Variants in DIO2 observed in about 807,000 individuals in gnomAD.
DIO2 encodes the protein type II iodothyronine deiodinase.
A neutral mutation model predicts 21.4 loss-of-function variants in DIO2; 19 were observed. That is an observed-to-expected ratio of 0.89 (90% CI 0.62 to 1.30). DIO2 has a LOEUF of 1.30. Among genes scored for constraint, DIO2 ranks in the 50% most tolerant of loss-of-function variants. The probability of loss-of-function intolerance (pLI) is 0.00; values close to 1 mark genes in which losing one functional copy is unlikely to be tolerated. For missense variants in DIO2, 302 were observed against 338.1 expected (o/e 0.89, Z 0.84); for synonymous variants, 122 against 132.9 (o/e 0.92, Z 0.57).
In DIO2 at chr14:80,202,763, T is replaced by C; in HGVS notation, c.748A>G (p.Asn250Asp). The C allele has an allele frequency of 6.2e-7, 1 of 1,614,022 alleles. No homozygotes were observed. Among genetic ancestry groups the C allele is most frequent in the Non-Finnish European group, 8.5e-7 (1 of 1,179,886 alleles). The change falls in exon 2 of 2, where the codon AAC becomes GAC. Residue 250 changes from asparagine to aspartate, a missense_variant. Asn to Asp is a conservative substitution (Grantham distance 23). Transcript: ENST00000438257. ...AGCCAATGCCGGACTTCTTGAAGGT[T>C]GTAGGAGAAGGGGCCCTTTCCTCCC... is the stretch of plus-strand genomic sequence containing the variant. Reference protein sequence around the residue: ...YLGGKGPFSYNLQEVRHWLEK... With the variant: ...YLGGKGPFSYDLQEVRHWLEK...
At chr14:80,212,467 A>C (rs1888245611), upstream of DIO2, among the ~76,000 whole-genome samples, 1 of 152,086 alleles carries the variant, frequency 6.6e-6, no homozygotes, top group Admixed American at 6.5e-5. Context: ...ATTTAATATA[A>C]TGTGCAGATT....
rs1760657030 is a variant in DIO2, at chr14:80,199,152, C to A, written c.*3537G>T. Reference sequence around the variant, plus strand: ...TTTCCCGAAGGCATACATACTGTCTCTAACCTGCCCTCTAGAATTTTATGC... The same window carrying A: ...TTTCCCGAAGGCATACATACTGTCTATAACCTGCCCTCTAGAATTTTATGC... On this transcript the variant is annotated 3_prime_UTR_variant, in exon 2 of 2. Transcript: ENST00000438257. The A allele has an allele frequency of 1.3e-5, 2 of 152,256 alleles. No individual in the cohort carries two copies. The highest frequency in any genetic ancestry group is 2.4e-5 in the African/African-American group (1 of 41,468). 9.4% of individuals were successfully genotyped at this position (152,256 alleles called of 1,614,324 possible).
intron 2 of DIO2, among the ~76,000 whole-genome samples, chr14:80,230,195 G>A (rs1888658615): frequency 1.3e-5 from 2 of 152,146 alleles, no homozygotes; most frequent in Admixed American, 6.6e-5. Context: ...TTTCATCACA[G>A]TTTACAAACT....
At chr14:80,211,542 G>T, upstream of DIO2, 3 of 634,512 alleles carry the variant, frequency 4.7e-6, no homozygotes, top group Non-Finnish European at 4.8e-6. Context: ...TAAAAGGGGG[G>T]TGGTGATAAA....
At position 80,209,949 on chromosome 14, in the gene DIO2, T is replaced by C. The variant is rs116718532; in HGVS notation, c.222+1302A>G. On this transcript the variant is annotated intron_variant, in intron 1 of 1. Coordinates refer to ENST00000438257, the MANE Select transcript of DIO2 (RefSeq NM_013989.5). ...TTCTTGGCGCATGGTTTTAGTTTTC[T>C]AGTGTTTATTTATGGAGGATGCATT... 3.9e-3 allele frequency among the ~76,000 whole-genome samples: 587 copies of C among 152,320 alleles called. 5 individuals are homozygous for C. Among genetic ancestry groups the C allele is most frequent in the African/African-American group, 0.014 (563 of 41,570 alleles).
intron 1 of DIO2, among the ~76,000 whole-genome samples, chr14:80,208,155 C>T (rs770567924): frequency 5.9e-5 from 9 of 152,134 alleles, no homozygotes; most frequent in East Asian, 1.9e-4. Flanking sequence ...AGTCTCTGAG[C>T]GCCAGCACAA....
chr14:80,221,178 GT>G (rs1347073033), intron 2 of DIO2, among the ~76,000 whole-genome samples: 1 of 152,154 alleles, frequency 6.6e-6, no homozygotes, highest in Non-Finnish European at 1.5e-5. Flanking sequence ...TTCCAGTGAA[GT>G]TTTTGGTCTT....
chr14:80,204,135 C>T (rs1389612150), intron 1 of DIO2, among the ~76,000 whole-genome samples: 1 of 151,974 alleles, frequency 6.6e-6, no homozygotes, highest in Non-Finnish European at 1.5e-5. Context: ...ATATGGCATC[C>T]TCCCTGGAGG....
At chr14:80,206,405 A>T (rs1887959531) in intron 1 of DIO2, 2 of 855,980 alleles carry the variant, frequency 2.3e-6, no homozygotes, top group Non-Finnish European at 1.8e-6. Context: ...AAAATATTCT[A>T]AAAGGATATT....
chr14:80,198,723 A>G lies in DIO2; in HGVS notation c.*3966T>C, dbSNP rs1394027281. The G allele has an allele frequency of 6.6e-6, 1 of 150,952 alleles. No individual in the cohort carries two copies. The highest frequency in any genetic ancestry group is 1.5e-5 in the Non-Finnish European group (1 of 67,876). The allele number at this position is 150,952 out of a possible 1,614,324, so 9.4% of individuals were successfully genotyped here. On this transcript the variant is annotated 3_prime_UTR_variant, in exon 2 of 2. Transcript: ENST00000438257. ...TTTTAGAGTGAAGGAGGAAGTTGGA[A>G]TCTAACTATATATATTTTAACTCTG...
rs1332108969 is a variant in DIO2 at position 80,202,842 on chromosome 14, G to A, written c.669C>T (p.Tyr223=). Residue 223 remains tyrosine (Y), a synonymous_variant, in exon 2 of 2, where the codon TAC becomes TAT. Transcript: ENST00000438257. ...DRMDNNANIA[Y]GVAFERVCIV... ...TGCACACACGTTCAAAGGCTACCCC[G>A]TAAGCTATGTTGGCGTTATTGTCCA... 1.9e-6 allele frequency: 3 copies of A among 1,613,884 alleles called. No individual in the cohort carries two copies. Among genetic ancestry groups the A allele is most frequent in the Non-Finnish European group, 8.5e-7 (1 of 1,179,868 alleles).
chr14:80,230,546 G>A (rs998190118), intron 2 of DIO2, among the ~76,000 whole-genome samples: 2 of 152,098 alleles, frequency 1.3e-5, no homozygotes, highest in Admixed American at 6.6e-5. Context: ...GCTTCATTAT[G>A]TTCCTTGATT....
At chr14:80,211,946 T>C (rs1888223497), upstream of DIO2, 1 of 151,172 alleles carries the variant, frequency 6.6e-6, no homozygotes, top group Non-Finnish European at 1.5e-5. Context: ...CTATGCTCTT[T>C]AAACGTAGCC....
At chr14:80,206,189 TA>T in intron 1 of DIO2, 1 of 1,222,344 alleles carries the variant, frequency 8.2e-7, no homozygotes, top group Non-Finnish European at 1.1e-6. Flanking sequence ...TAGATAAAAT[TA>T]ATATTATTAA....
Position 80,200,964 on chromosome 14 carries a change from T to A in DIO2, c.*1725A>T, listed in dbSNP as rs939453202. On this transcript the variant is annotated 3_prime_UTR_variant, in exon 2 of 2. Transcript: ENST00000438257. ...TATTTATTTTTTATTCAGTTATTAA[T>A]GGAATGGACAAAAGATCCTTTGATT... 4 of 152,066 alleles carry A rather than the reference T, an allele frequency of 2.6e-5. No individual in the cohort carries two copies. Among genetic ancestry groups the A allele is most frequent in the African/African-American group, 9.7e-5 (4 of 41,438 alleles). 9.4% of individuals were successfully genotyped at this position (152,066 alleles called of 1,614,324 possible).
intron 2 of DIO2, among the ~76,000 whole-genome samples, chr14:80,225,109 A>G (rs1888546033): frequency 6.6e-6 from 1 of 152,178 alleles, no homozygotes; most frequent in Non-Finnish European, 1.5e-5. Context: ...TGCCCACCAG[A>G]TTAAGGGTGG....
chr14:80,214,608 A>G (rs1268446625), upstream of DIO2, among the ~76,000 whole-genome samples: 1 of 152,214 alleles, frequency 6.6e-6, no homozygotes, highest in Non-Finnish European at 1.5e-5. Context: ...AACGATAAAC[A>G]CATCACAAAA....
upstream of DIO2, among the ~76,000 whole-genome samples, chr14:80,213,913 C>T (rs918349927): frequency 2.6e-5 from 4 of 152,158 alleles, no homozygotes; most frequent in African/African-American, 7.2e-5. Flanking sequence ...GACTTCAAAG[C>T]TTAGAAAAAT....
rs1888551333 is a variant in DIO2 at position 80,225,239 on chromosome 14, C to G, written c.-277-8502G>C. ...CAATCAGGTTGACACTCAGTATCTA[C>G]CATCACAAATCCACCCCTTGCCAAC... On this transcript the variant is annotated intron_variant, in intron 2 of 4. Transcript: ENST00000553594. 5.3e-5 allele frequency among the ~76,000 whole-genome samples: 8 copies of G among 152,264 alleles called. 1 individual carries two copies. In the South Asian group the frequency reaches 1.7e-3, roughly 32 times the overall value.
Sources: allele counts gnomAD v4.1 joint callset (sites outside exome capture counted in the v4.1 genomes callset), GRCh38; gene constraint gnomAD v4.1.1; transcripts MANE v1.5; gene names NCBI Gene and HGNC (gene_info 2026-07-23, HGNC 2026-07-21).